Variants in PIGS observed in about 807,000 individuals in gnomAD.
The protein encoded by PIGS is GPI-anchor transamidase component PIGS.
In PIGS, 37 loss-of-function variants were observed where a neutral mutation model predicts 58.2. The ratio of observed to expected loss-of-function variants is 0.64; its 90% confidence interval spans 0.49 to 0.84. The LOEUF (loss-of-function observed/expected upper bound fraction) is 0.84. PIGS is among the 40% of genes least tolerant of loss of function. The pLI, the probability that PIGS is intolerant of heterozygous loss-of-function variation, is 0.00. For missense variants in PIGS, 629 were observed against 710.8 expected (o/e 0.88, Z 1.31); for synonymous variants, 269 against 289.2 (o/e 0.93, Z 0.71).
At position 28,554,105 on chromosome 17, in the gene PIGS, G is replaced by T; in HGVS notation, c.*115C>A. On this transcript the variant is annotated 3_prime_UTR_variant, in exon 12 of 12. Coordinates refer to ENST00000308360, the MANE Select transcript of PIGS (RefSeq NM_033198.4). ...CTTTGGTTGCTGGAGAGCCAACAGT[G>T]GAGACTGGAGACAAATATTTAAGTC... 7.3e-7 allele frequency: 1 copy of T among 1,367,248 alleles called. No individual in the cohort carries two copies. Among genetic ancestry groups the T allele is most frequent in the Non-Finnish European group, 1.0e-6 (1 of 996,588 alleles). The allele number at this position is 1,367,248 out of a possible 1,614,324, so 84.7% of individuals were successfully genotyped here. A position where few individuals can be genotyped will look rare whatever the true frequency, so the allele number is the denominator to read the frequency against.
At chr17:28,570,604 A>G (rs1597588114) in intron 3 of PIGS, among the ~76,000 whole-genome samples, 1 of 151,866 alleles carries the variant, frequency 6.6e-6, no homozygotes, top group South Asian at 2.1e-4. Context: ...ACTATATCCC[A>G]CCTCTTCCCC....
At chr17:28,558,062 T>G (rs928626187) in intron 8 of PIGS, among the ~76,000 whole-genome samples, 2 of 152,138 alleles carry the variant, frequency 1.3e-5, no homozygotes, top group Non-Finnish European at 2.9e-5. Context: ...AATCCCAGCA[T>G]TTTAGGGGGC....
At chr17:28,555,231 A>T in intron 10 of PIGS, 170 bp from the exon 11 acceptor site, 1 of 599,974 alleles carries the variant, frequency 1.7e-6, no homozygotes, top group Non-Finnish European at 2.8e-6. Context: ...GCAACACCAA[A>T]CAAGTTGGCC....
rs1284462533 is a variant in PIGS at position 28,556,150 on chromosome 17, T to C, written c.1181+16A>G. ...CAAGGAGACTATGTCCCCAAGTGGA[T>C]CATCCAGGACCTCACCGCAACTGTG... On this transcript the variant is annotated intron_variant, in intron 10 of 11. Transcript: ENST00000308360. 2 of 1,597,802 alleles carry C rather than the reference T, an allele frequency of 1.3e-6. No individual in the cohort carries two copies. Among genetic ancestry groups the C allele is most frequent in the African/African-American group, 2.7e-5 (2 of 74,490 alleles).
At chr17:28,556,531 G>C in intron 9 of PIGS, 1 of 727,908 alleles carries the variant, frequency 1.4e-6, no homozygotes, top group Non-Finnish European at 2.5e-6. Flanking sequence ...TCTAACAAGG[G>C]AGACAAGGCT....
At position 28,561,525 on chromosome 17, in the gene PIGS, C is replaced by G; in HGVS notation, c.573G>C (p.Gln191His). 2 of 1,614,090 alleles carry G rather than the reference C, an allele frequency of 1.2e-6. No individual in the cohort carries two copies. The highest frequency in any genetic ancestry group is 1.7e-6 in the Non-Finnish European group (2 of 1,179,972). The change falls in exon 6 of 12, where the codon CAG becomes CAC. Residue 191 changes from glutamine (Q) to histidine (H), a missense_variant. Physicochemically the swap from Gln to His is conservative, Grantham distance 24. Coordinates refer to ENST00000308360, the MANE Select transcript of PIGS (RefSeq NM_033198.4). ...IIGRRIVQVA[Q>H]AMSLTEDVLA... ...GCACATCCTCAGTCAAAGACATGGC[C>G]TGGGCCACCTGGACTATGCGGCGGC...
chr17:28,557,637 C>T (rs1306011101), intron 8 of PIGS: 1 of 152,414 alleles, frequency 6.6e-6, no homozygotes, highest in Admixed American at 6.5e-5. Flanking sequence ...CATGCCACCC[C>T]CTCACAATCC....
At chr17:28,561,770 C>T in intron 5 of PIGS, 141 bp from the exon 6 acceptor site, 1 of 741,134 alleles carries the variant, frequency 1.3e-6, no homozygotes, top group Admixed American at 2.8e-5. Context: ...GAGCTATTAA[C>T]TCAGCATTTC....
At chr17:28,563,752 G>A (rs2070378758) in intron 4 of PIGS, 66 bp downstream of exon 4, 1 of 1,478,296 alleles carries the variant, frequency 6.8e-7, no homozygotes, top group Non-Finnish European at 9.4e-7. Flanking sequence ...TGGGAACTAT[G>A]CACTTAGAGA....
chr17:28,556,903 G>A lies in PIGS; in HGVS notation c.1004C>T (p.Pro335Leu), dbSNP rs377188268. 3.9e-5 allele frequency: 63 copies of A among 1,614,018 alleles called. No individual in the cohort carries two copies. Among genetic ancestry groups the A allele is most frequent in the Non-Finnish European group, 4.7e-5 (56 of 1,180,034 alleles). ...LLYVPELAHSPLYIQDKDGAP... is the reference protein window; with the variant it reads ...LLYVPELAHSLLYIQDKDGAP... ...GCCATCCTTGTCCTGAATGTACAGC[G>A]GTGAGTGTGCAAGCTCAGGCACGTA... is the stretch of plus-strand genomic sequence containing the variant. Residue 335 changes from proline (P) to leucine (L), a missense_variant, in exon 9 of 12, where the codon CCG becomes CTG. By Grantham distance (98) the Pro-to-Leu change is moderately conservative. Coordinates refer to ENST00000308360, the MANE Select transcript of PIGS (RefSeq NM_033198.4).
rs116094938 is a variant in PIGS at position 28,561,456 on chromosome 17, G to T, written c.642C>A (p.Ser214Arg). Residue 214 changes from serine to arginine, a missense_variant, in exon 6 of 12, where the codon AGC becomes AGA. Ser to Arg is a moderately radical substitution (Grantham distance 110). Coordinates refer to ENST00000308360, the MANE Select transcript of PIGS (RefSeq NM_033198.4). Reference protein sequence around the residue: ...LADHLPEDKWSAEKRRPLKSS... With the variant: ...LADHLPEDKWRAEKRRPLKSS... ...ACTTGAGAGGCCGCCTCTTCTCAGC[G>T]CTCCACTTGTCCTCTGGAAGGTGGT... is the stretch of plus-strand genomic sequence containing the variant. The T allele has an allele frequency of 1.9e-5, 31 of 1,613,840 alleles. No individual in the cohort carries two copies. The highest frequency in any genetic ancestry group is 2.2e-5 in the Non-Finnish European group (26 of 1,179,934).
rs145877273 is a variant in PIGS, at chr17:28,562,800, C to G, written c.468+631G>C. Among the ~76,000 whole-genome samples the G allele has an allele frequency of 6.5e-3, 995 of 152,166 alleles. 13 individuals are homozygous for G. Among genetic ancestry groups the G allele is most frequent in the African/African-American group, 0.023 (951 of 41,510 alleles). Reference sequence around the variant, plus strand: ...GATATTAGCTCACTGCAACCTCCACCTCCCAGGCTCAAGCGCTCCCCCTGC... The same window carrying G: ...GATATTAGCTCACTGCAACCTCCACGTCCCAGGCTCAAGCGCTCCCCCTGC... On this transcript the variant is annotated intron_variant, in intron 5 of 11. Transcript: ENST00000308360.
At chr17:28,564,633 T>A (rs2070384267) in intron 3 of PIGS, among the ~76,000 whole-genome samples, 1 of 151,400 alleles carries the variant, frequency 6.6e-6, no homozygotes, top group Non-Finnish European at 1.5e-5. Context: ...GAGAATCACT[T>A]GAACCCAGAA....
chr17:28,569,283 T>C (rs2070413149), intron 3 of PIGS, among the ~76,000 whole-genome samples: 1 of 151,304 alleles, frequency 6.6e-6, no homozygotes, highest in Admixed American at 6.6e-5. Context: ...CTGGGCAACA[T>C]GGCGAAACCC....
intron 10 of PIGS, 50 bp downstream of exon 10, chr17:28,556,116 C>T (rs1373115172): frequency 1.3e-6 from 2 of 1,532,328 alleles, no homozygotes; most frequent in Non-Finnish European, 9.0e-7. Context: ...TGCAACTCCC[C>T]TCTACAGCCA....
In PIGS at chr17:28,554,864, T is replaced by C. The variant is rs115228275; in HGVS notation, c.1379A>G (p.Asp460Gly). ...CTGCCTGCTTACCTCAGATGCCACG[T>C]CGTCCTTAATGACAATGTTGCTGAT... is the stretch of plus-strand genomic sequence containing the variant. ...GKISNIVIKD[D>G]VASEVYKAVA... The change falls in exon 11 of 12, where the codon GAC becomes GGC. Residue 460 changes from aspartate (D) to glycine (G), a missense_variant. Coordinates refer to ENST00000308360, the MANE Select transcript of PIGS (RefSeq NM_033198.4). 6.2e-7 allele frequency: 1 copy of C among 1,614,186 alleles called. No individual in the cohort carries two copies.
At chr17:28,561,163 C>A (rs2070361600) in intron 6 of PIGS, among the ~76,000 whole-genome samples, 1 of 151,916 alleles carries the variant, frequency 6.6e-6, no homozygotes. Flanking sequence ...GAGGCTGAGG[C>A]AGGAGAATGG....
rs764923868 is a variant in PIGS, at chr17:28,556,242, A to G, written c.1105T>C (p.Tyr369His). ...CTCACTGGCAGCACTGAGGCATTAT[A>G]GGTTTTGGAGTCAACATTATATACC... ...IMVYNVDSKTYNASVLPVRVE... is the reference protein window; with the variant it reads ...IMVYNVDSKTHNASVLPVRVE... Residue 369 changes from tyrosine to histidine, a missense_variant, in exon 10 of 12, where the codon TAT becomes CAT. By Grantham distance (83) the Tyr-to-His change is moderately conservative. Transcript: ENST00000308360. 1.9e-6 allele frequency: 3 copies of G among 1,613,078 alleles called. No homozygotes were observed. Among genetic ancestry groups the G allele is most frequent in the South Asian group, 1.1e-5 (1 of 91,054 alleles).
rs751646729 is a variant in PIGS, at chr17:28,561,635, G to C, written c.469-6C>G. 3 of 1,608,168 alleles carry C rather than the reference G, an allele frequency of 1.9e-6. No homozygotes were observed. Among genetic ancestry groups the C allele is most frequent in the African/African-American group, 2.7e-5 (2 of 74,778 alleles). ...CCAATGTAGCTCATCATGTCCTGTG[G>C]GGGTGAGCAAGAGACAGAATGCCCA... is the stretch of plus-strand genomic sequence containing the variant. On this transcript the variant is annotated splice_region_variant and splice_polypyrimidine_tract_variant and intron_variant, in intron 5 of 11. Transcript: ENST00000308360.
Sources: allele counts gnomAD v4.1 joint callset (sites outside exome capture counted in the v4.1 genomes callset), GRCh38; gene constraint gnomAD v4.1.1; transcripts MANE v1.5; gene names NCBI Gene and HGNC (gene_info 2026-07-23, HGNC 2026-07-21).